MYO6: variants seen among roughly 807,000 people sequenced by gnomAD.
MYO6 encodes the protein unconventional myosin-VI.
Under a neutral mutation model 178.7 loss-of-function variants are expected in MYO6, and 74 were observed. The observed-to-expected ratio is 0.41, with a 90% CI of 0.34 to 0.50. MYO6 has a LOEUF of 0.50. MYO6 is among the 20% of genes least tolerant of loss of function. The probability of loss-of-function intolerance (pLI) is 0.09; values close to 1 mark genes in which losing one functional copy is unlikely to be tolerated. For synonymous variants in MYO6, 477 were observed against 504.6 expected, an observed-to-expected ratio of 0.95 and a Z score of 0.73; for missense variants, 1,330 against 1,547.4, an observed-to-expected ratio of 0.86 and a Z score of 2.36.
rs565950470 is a variant in MYO6, at chr6:75,856,836, G to C, written c.1224-261G>C. 9.2e-5 allele frequency among the ~76,000 whole-genome samples: 14 copies of C among 152,222 alleles called. No individual in the cohort carries two copies. The South Asian group carries it at 2.1e-3, about 23-fold the overall frequency. On this transcript the variant is annotated intron_variant, in intron 12 of 34. Transcript: ENST00000369977. ...CTTTGAATAATTTTGTATGTATTCA[G>C]GATGTAAATTAAGGTCAAAATGATT...
In MYO6 at chr6:75,861,031, A is replaced by T; in HGVS notation, c.1482A>T (p.Glu494Asp). The T allele has an allele frequency of 3.1e-6, 5 of 1,596,726 alleles. No homozygotes were observed. The highest frequency in any genetic ancestry group is 4.3e-6 in the Non-Finnish European group (5 of 1,164,532). ...FNERILKEEQ[E>D]LYQKEGLGVN... ...GATTATTTCATTTTTAGGAACAAGA[A>T]CTCTATCAAAAAGAAGGTTTAGGTG... is the stretch of plus-strand genomic sequence containing the variant. The change falls in exon 15 of 35, where the codon GAA becomes GAT. Residue 494 changes from glutamate to aspartate, a missense_variant. Physicochemically the swap from Glu to Asp is conservative, Grantham distance 45. Coordinates refer to ENST00000369977, the MANE Select transcript of MYO6 (RefSeq NM_004999.4).
chr6:75,840,388 C>A (rs13362703), intron 7 of MYO6, among the ~76,000 whole-genome samples, 197 bp from the exon 8 acceptor site: 1 of 152,044 alleles, frequency 6.6e-6, no homozygotes, highest in Admixed American at 6.5e-5. Flanking sequence ...GTCTCGAACT[C>A]CTGACCTCGT....
chr6:75,814,151 G>T (rs566514064), intron 1 of MYO6, among the ~76,000 whole-genome samples: 27 of 152,288 alleles, frequency 1.8e-4, no homozygotes, highest in African/African-American at 6.5e-4. Flanking sequence ...TTAGCCTGCA[G>T]TGGGGCTTGC....
chr6:75,781,957 G>A (rs1274866694), intron 1 of MYO6, among the ~76,000 whole-genome samples: 2 of 151,526 alleles, frequency 1.3e-5, no homozygotes, highest in African/African-American at 4.8e-5. Context: ...AAAGGAATGG[G>A]GGGAGTGGCG....
intron 1 of MYO6, among the ~76,000 whole-genome samples, chr6:75,754,971 G>A (rs1228111567): frequency 2.0e-5 from 3 of 152,172 alleles, no homozygotes; most frequent in East Asian, 1.9e-4. Context: ...GGCTCATGCC[G>A]GTAATCCCAG....
In MYO6 at chr6:75,877,799, C is replaced by A. The variant is rs190602638; in HGVS notation, c.2078-2021C>A. ...GTGGTTAAAAAAAAAATTTAAGCTT[C>A]AAAACATCTTAAGAGTAAACTAGCT... is the stretch of plus-strand genomic sequence containing the variant. On this transcript the variant is annotated intron_variant, in intron 20 of 34. Transcript: ENST00000369977. 6.5e-4 allele frequency among the ~76,000 whole-genome samples: 99 copies of A among 151,974 alleles called. 2 individuals carry two copies. The highest frequency in any genetic ancestry group is 2.3e-3 in the African/African-American group (96 of 41,458).
intron 23 of MYO6, among the ~76,000 whole-genome samples, chr6:75,883,056 CATTG>C (rs1778167939): frequency 2.0e-5 from 3 of 152,080 alleles, no homozygotes; most frequent in Non-Finnish European, 4.4e-5. Context: ...GACATCTGTT[CATTG>C]ATTAAGTTTC....
At chr6:75,784,578 C>A (rs1767321587) in intron 1 of MYO6, among the ~76,000 whole-genome samples, 1 of 151,496 alleles carries the variant, frequency 6.6e-6, no homozygotes, top group Non-Finnish European at 1.5e-5. Flanking sequence ...TCGAGACCAT[C>A]CTGGCTAACA....
chr6:75,889,599 G>A (rs1321571564), intron 25 of MYO6, among the ~76,000 whole-genome samples: 4 of 152,170 alleles, frequency 2.6e-5, no homozygotes, highest in Non-Finnish European at 4.4e-5. Context: ...TTTTATAAGA[G>A]ACAGGGTTTC....
chr6:75,775,956 T>TAC (rs1341021113), intron 1 of MYO6, among the ~76,000 whole-genome samples: 4 of 152,198 alleles, frequency 2.6e-5, no homozygotes, highest in South Asian at 2.1e-4. Flanking sequence ...GCGTATCATT[T>TAC]CTTTAAGATT....
chr6:75,771,779 T>C (rs1320720285), intron 1 of MYO6, among the ~76,000 whole-genome samples: 2 of 152,178 alleles, frequency 1.3e-5, no homozygotes, highest in Non-Finnish European at 2.9e-5. Context: ...TCTTGGAGGG[T>C]GGCATTTGTC....
intron 1 of MYO6, among the ~76,000 whole-genome samples, chr6:75,804,094 A>T (rs762793220): frequency 5.9e-5 from 9 of 152,180 alleles, no homozygotes; most frequent in Non-Finnish European, 1.0e-4. Context: ...AGGTCCCACT[A>T]TGTTGCCCAG....
At chr6:75,840,481 CA>C in intron 7 of MYO6, 103 bp from the exon 8 acceptor site, 2 of 830,204 alleles carry the variant, frequency 2.4e-6, no homozygotes. Flanking sequence ...TTTTTTAGAA[CA>C]TTTTTTTCTA....
rs75661320 is a variant in MYO6, at chr6:75,896,416, A to G, written c.3137+1156A>G. On this transcript the variant is annotated intron_variant, in intron 29 of 34. Transcript: ENST00000369977. ...CACGAATGCTGTATCTACAAATACA[A>G]ATTGATATAGGAATGTTGTGTTGGG... Among the ~76,000 whole-genome samples the G allele has an allele frequency of 2.0e-4, 31 of 152,362 alleles. No individual in the cohort carries two copies. In the East Asian group the frequency reaches 5.2e-3, roughly 26 times the overall value.
At chr6:75,840,906 GC>G (rs1378326560) in intron 8 of MYO6, among the ~76,000 whole-genome samples, 3 of 152,154 alleles carry the variant, frequency 2.0e-5, no homozygotes, top group African/African-American at 7.2e-5. Context: ...TTACTGTATA[GC>G]TAGTCATGTA....
chr6:75,797,414 G>A (rs143085169), intron 1 of MYO6, among the ~76,000 whole-genome samples: 340 of 152,258 alleles, frequency 2.2e-3, no homozygotes, highest in Non-Finnish European at 3.4e-3. Flanking sequence ...TTTTAAGCAG[G>A]CATATTATGT....
At chr6:75,812,067 G>C (rs889395485) in intron 1 of MYO6, among the ~76,000 whole-genome samples, 1 of 152,048 alleles carries the variant, frequency 6.6e-6, no homozygotes, top group Non-Finnish European at 1.5e-5. Context: ...CTCCCAGGCT[G>C]GAGTGCAGTG....
At chr6:75,845,231 G>A (rs1264392513) in intron 10 of MYO6, among the ~76,000 whole-genome samples, 1 of 152,144 alleles carries the variant, frequency 6.6e-6, no homozygotes, top group Non-Finnish European at 1.5e-5. Flanking sequence ...CTGTTTTCAA[G>A]CATGAAGGTA....
rs1772028331 is a variant in MYO6 at position 75,822,799 on chromosome 6, A to T, written c.135A>T (p.Ile45=). 6.2e-7 allele frequency: 1 copy of T among 1,613,552 alleles called. No individual in the cohort carries two copies. The highest frequency in any genetic ancestry group is 2.2e-5 in the East Asian group (1 of 44,744). The change falls in exon 3 of 35, where the codon ATA becomes ATT. Residue 45 remains isoleucine (I), a synonymous_variant. Coordinates refer to ENST00000369977, the MANE Select transcript of MYO6 (RefSeq NM_004999.4). ...CTTGTTAGACATTTTTGGCTCTCAT[A>T]AACCAAGTGTTTCCTGCAGAAGAGG... is the stretch of plus-strand genomic sequence containing the variant. ...NQKGKTFLAL[I]NQVFPAEEDS... is the part of the protein sequence containing the mutation.
Sources: allele counts gnomAD v4.1 joint callset (sites outside exome capture counted in the v4.1 genomes callset), GRCh38; gene constraint gnomAD v4.1.1; transcripts MANE v1.5; gene names NCBI Gene and HGNC (gene_info 2026-07-23, HGNC 2026-07-21).